Variants in KDM6A observed in about 807,000 individuals in gnomAD.
KDM6A encodes lysine demethylase 6A.
KDM6A carries 11 observed loss-of-function variants against 117.6 expected under a neutral mutation model. The ratio of observed to expected loss-of-function variants is 0.09; its 90% confidence interval spans 0.06 to 0.15. KDM6A has a LOEUF of 0.15. Ranked by LOEUF, KDM6A falls within the 10% of genes least tolerant of loss-of-function variation. The pLI is 1.00. For synonymous variants in KDM6A, 384 were observed against 396.1 expected (o/e 0.97, Z 0.36); for missense variants, 799 against 1,077.3 (o/e 0.74, Z 3.62).
chrX:44,929,119 A>G (rs2036476294), intron 2 of KDM6A, among the ~76,000 whole-genome samples: 1 of 110,421 alleles, frequency 9.1e-6, no homozygotes, highest in Non-Finnish European at 1.9e-5. Context: ...TTTAGTAGAG[A>G]CAGGGTTTTA....
intron 2 of KDM6A, among the ~76,000 whole-genome samples, chrX:44,924,648 G>GGGGT (rs766874049): frequency 1.5e-4 from 14 of 90,456 alleles, no homozygotes; most frequent in Non-Finnish European, 2.4e-4. Context: ...GGTGGTCCTG[G>GGGGT]GTGTGTGTGT....
intron 23 of KDM6A, 55 bp from the exon 24 acceptor site, chrX:45,083,405 A>G: frequency 1.8e-6 from 2 of 1,125,144 alleles, no homozygotes; most frequent in South Asian, 1.8e-5. Context: ...GAAATGGTAA[A>G]CTTCCACAGG....
chrX:45,072,266 G>T (rs2044884421), intron 18 of KDM6A, among the ~76,000 whole-genome samples: 1 of 110,938 alleles, frequency 9.0e-6, no homozygotes, highest in South Asian at 3.7e-4. Context: ...CTACAACATG[G>T]TGATTGCTGT....
chrX:45,089,648 G>A, intron 25 of KDM6A, 95 bp from the exon 26 acceptor site: 1 of 598,359 alleles, frequency 1.7e-6, no homozygotes, highest in Non-Finnish European at 2.8e-6. Context: ...AAATGAACAA[G>A]TGTTTATTTA....
At chrX:45,029,877 G>T (rs1314151762) in intron 6 of KDM6A, among the ~76,000 whole-genome samples, 3 of 111,276 alleles carry the variant, frequency 2.7e-5, no homozygotes, top group Admixed American at 9.6e-5. Context: ...CTTTTGTAAA[G>T]TATGATAGAA....
At chrX:45,009,108 C>G (rs1056582053) in intron 4 of KDM6A, among the ~76,000 whole-genome samples, 1 of 111,781 alleles carries the variant, frequency 8.9e-6, no homozygotes, top group African/African-American at 3.3e-5. Flanking sequence ...TTGGATCTCA[C>G]GCAAGAAAGA....
In KDM6A at chrX:45,062,283, T is replaced by C. The variant is rs763725329; in HGVS notation, c.1582-364T>C. Among the ~76,000 whole-genome samples the C allele has an allele frequency of 4.4e-4, 49 of 112,165 alleles. 1 individual carries two copies. Among genetic ancestry groups the C allele is most frequent in the Admixed American group, 1.4e-3 (15 of 10,579 alleles). ...AGATCAGTAATTTTGGACATTCAGG[T>C]TGTCTTCAGACTTTGCTTATTCCAG... is the stretch of plus-strand genomic sequence containing the variant. On this transcript the variant is annotated intron_variant, in intron 15 of 29. Transcript: ENST00000611820.
At chrX:44,895,742 T>C (rs745718054) in intron 2 of KDM6A, among the ~76,000 whole-genome samples, 5 of 109,715 alleles carry the variant, frequency 4.6e-5, no homozygotes, top group Non-Finnish European at 7.6e-5. Context: ...CTTTGATCCA[T>C]GGAGTATTTA....
intron 4 of KDM6A, among the ~76,000 whole-genome samples, chrX:44,999,819 A>G (rs2041050953): frequency 9.0e-6 from 1 of 111,641 alleles, no homozygotes; most frequent in Non-Finnish European, 1.9e-5. Context: ...GAGCCTCTGC[A>G]TCAACCTTTG....
intron 8 of KDM6A, among the ~76,000 whole-genome samples, chrX:45,047,334 A>G (rs1231995074): frequency 9.5e-6 from 1 of 105,744 alleles, no homozygotes; most frequent in African/African-American, 3.5e-5. Flanking sequence ...CATGTATGGT[A>G]GACTATATGC....
At chrX:45,069,206 C>T (rs764048227) in intron 17 of KDM6A, among the ~76,000 whole-genome samples, 44 of 111,517 alleles carry the variant, frequency 3.9e-4, no homozygotes, top group Non-Finnish European at 6.4e-4. Flanking sequence ...GATCACAGAC[C>T]AGTGAGAGTT....
intron 2 of KDM6A, among the ~76,000 whole-genome samples, chrX:44,938,422 A>G (rs1455915239): frequency 8.9e-6 from 1 of 112,060 alleles, no homozygotes; most frequent in African/African-American, 3.2e-5. Context: ...ACCCAGAGCA[A>G]GGCTTTGATT....
At chrX:45,045,171 A>G (rs1189942697) in intron 8 of KDM6A, among the ~76,000 whole-genome samples, 5 of 111,703 alleles carry the variant, frequency 4.5e-5, no homozygotes, top group Non-Finnish European at 7.5e-5. Context: ...TTCATCACTA[A>G]AACTATTTCA....
intron 2 of KDM6A, among the ~76,000 whole-genome samples, chrX:44,911,897 C>T (rs1033805654): frequency 9.1e-5 from 10 of 110,081 alleles, no homozygotes; most frequent in South Asian, 3.9e-4. Context: ...CGTGGCGGCG[C>T]GCGCCTGCAA....
chrX:44,944,598 C>T (rs975032946), intron 2 of KDM6A, among the ~76,000 whole-genome samples: 1 of 111,622 alleles, frequency 9.0e-6, no homozygotes, highest in African/African-American at 3.3e-5. Context: ...ACTTCTTTGA[C>T]TCTTTTCACC....
intron 5 of KDM6A, among the ~76,000 whole-genome samples, chrX:45,018,065 A>G (rs1010600486): frequency 9.0e-6 from 1 of 111,594 alleles, no homozygotes. Context: ...GGGGTAGAAG[A>G]AGAAATGGAG....
At chrX:44,911,791 G>A (rs1393851127) in intron 2 of KDM6A, among the ~76,000 whole-genome samples, 1 of 112,126 alleles carries the variant, frequency 8.9e-6, no homozygotes, top group Non-Finnish European at 1.9e-5. Context: ...TCGGGAGGCC[G>A]AGGCTGGCAG....
chrX:45,091,933 A>G (rs1258440911), intron 27 of KDM6A, among the ~76,000 whole-genome samples: 3 of 111,622 alleles, frequency 2.7e-5, no homozygotes, highest in Non-Finnish European at 5.7e-5. Context: ...TGTGTGGCCA[A>G]GGTAACATGC....
chrX:45,085,367 A>C (rs1461250294), intron 24 of KDM6A, among the ~76,000 whole-genome samples: 1 of 111,697 alleles, frequency 9.0e-6, no homozygotes, highest in Non-Finnish European at 1.9e-5. Flanking sequence ...TGCATTTTCA[A>C]CTTAAGGTAT....
Sources: allele counts gnomAD v4.1 joint callset (sites outside exome capture counted in the v4.1 genomes callset), GRCh38; gene constraint gnomAD v4.1.1; transcripts MANE v1.5; gene names NCBI Gene and HGNC (gene_info 2026-07-23, HGNC 2026-07-21).